DLGAP2: variants seen among roughly 807,000 people sequenced by gnomAD.
DLGAP2 encodes DLG associated protein 2.
Under a neutral mutation model 100.3 loss-of-function variants are expected in DLGAP2, and 26 were observed. The observed-to-expected ratio is 0.26, with a 90% CI of 0.19 to 0.36. DLGAP2 has a LOEUF of 0.36. Among genes scored for constraint, DLGAP2 ranks in the 10% least tolerant of loss-of-function variants. DLGAP2 has a pLI of 1.00. For missense variants in DLGAP2, 1,858 were observed against 1,453.2 expected, an observed-to-expected ratio of 1.28 and a Z score of -4.53; for synonymous variants, 886 against 630.1, an observed-to-expected ratio of 1.41 and a Z score of -6.08.
chr8:1,240,438 GTCACATGGCGCCATGTCTAGTTCTC>G (rs1798762112), intron 2 of DLGAP2, among the ~76,000 whole-genome samples: 2 of 93,962 alleles, frequency 2.1e-5, no homozygotes, highest in African/African-American at 8.5e-5. Context: ...GTCTAGTTCT[GTCACATGGCGCCATGTCTAGTTCTC>G]TCACATGGCA....
chr8:1,311,588 G>A (rs567600165), intron 3 of DLGAP2, among the ~76,000 whole-genome samples: 1 of 152,070 alleles, frequency 6.6e-6, no homozygotes, highest in East Asian at 1.9e-4. Flanking sequence ...GTCATCAGGT[G>A]GGATTTATTC....
At chr8:993,924 C>G (rs1248467181) in intron 2 of DLGAP2, among the ~76,000 whole-genome samples, 2 of 151,626 alleles carry the variant, frequency 1.3e-5, no homozygotes, top group Non-Finnish European at 2.9e-5. Flanking sequence ...ATAGCAGATC[C>G]CGGCTGGTAA....
At chr8:1,431,855 ACCCTGCCGGCACC>A (rs1460711621) in intron 3 of DLGAP2, among the ~76,000 whole-genome samples, 4 of 151,454 alleles carry the variant, frequency 2.6e-5, no homozygotes, top group African/African-American at 4.9e-5. Flanking sequence ...AGCCCTGAGA[ACCCTGCCGGCACC>A]CAGCACCCCA....
chr8:968,939 A>G (rs1483930269), intron 2 of DLGAP2, among the ~76,000 whole-genome samples: 1 of 152,166 alleles, frequency 6.6e-6, no homozygotes, highest in African/African-American at 2.4e-5. Context: ...AAGTTGTTTC[A>G]CCTAAAGTCA....
intron 8 of DLGAP2, among the ~76,000 whole-genome samples, chr8:1,638,167 C>A (rs182044120): frequency 6.6e-6 from 1 of 152,242 alleles, no homozygotes; most frequent in East Asian, 1.9e-4. Flanking sequence ...GGAGAGGGAT[C>A]TGTGGCTGAG....
rs1339128910 is a variant in DLGAP2 at position 1,573,198 on chromosome 8, A to G, written c.1442+7304A>G. 1.1e-3 allele frequency among the ~76,000 whole-genome samples: 111 copies of G among 104,808 alleles called. 1 individual carries two copies. The highest frequency in any genetic ancestry group is 4.2e-3 in the African/African-American group (106 of 25,446). 68.8% of individuals were successfully genotyped at this position (104,808 alleles called of 152,430 possible). On this transcript the variant is annotated intron_variant, in intron 6 of 14. Transcript: ENST00000637795. ...TGGAGATGAGAGAGGGTGAAGTGTC[A>G]GGGGCATCTGATGAGATGGAGAGGA...
In DLGAP2 at chr8:1,414,184, T is replaced by A. The variant is rs375189204; in HGVS notation, c.107-87182T>A. ...TTGTCTGTTGAGAGAAACTGACTTA[T>A]ATTCGTAAAGATGGAATCTGAGAAA... On this transcript the variant is annotated intron_variant, in intron 3 of 14. Transcript: ENST00000637795. Among the ~76,000 whole-genome samples, 7 of 152,214 alleles carry A rather than the reference T, an allele frequency of 4.6e-5. No homozygotes were observed. In the South Asian group the frequency reaches 1.4e-3, roughly 32 times the overall value.
At position 1,325,667 on chromosome 8, in the gene DLGAP2, C is replaced by T. The variant is rs117560932; in HGVS notation, c.106+66784C>T. 3.9e-5 allele frequency among the ~76,000 whole-genome samples: 6 copies of T among 152,272 alleles called. No individual in the cohort carries two copies. The East Asian group carries it at 5.8e-4, about 15-fold the overall frequency. On this transcript the variant is annotated intron_variant, in intron 3 of 14. Coordinates refer to ENST00000637795, the MANE Select transcript of DLGAP2 (RefSeq NM_001346810.2). ...CGGAGCAGCCTCCAGCAGTGATTGG[C>T]GGGGTTCTCATTATTCCTCTCGCGT...
At chr8:1,615,068 G>C (rs1025066096) in intron 6 of DLGAP2, among the ~76,000 whole-genome samples, 2 of 152,224 alleles carry the variant, frequency 1.3e-5, no homozygotes, top group Non-Finnish European at 2.9e-5. Context: ...TCTGTTACAG[G>C]ATGGAATTTG....
At chr8:1,010,432 G>A (rs1801246963) in intron 2 of DLGAP2, among the ~76,000 whole-genome samples, 1 of 152,144 alleles carries the variant, frequency 6.6e-6, no homozygotes, top group Non-Finnish European at 1.5e-5. Flanking sequence ...GCCCACATAT[G>A]CACACACATA....
chr8:857,106 C>T (rs1049401766), intron 1 of DLGAP2, among the ~76,000 whole-genome samples: 2 of 152,180 alleles, frequency 1.3e-5, no homozygotes, highest in East Asian at 3.8e-4. Flanking sequence ...GGAGGAAAGG[C>T]CATTCAATGG....
chr8:1,305,547 T>C (rs1800470481), intron 3 of DLGAP2, among the ~76,000 whole-genome samples: 1 of 152,220 alleles, frequency 6.6e-6, no homozygotes, highest in South Asian at 2.1e-4. Context: ...AGGGTGCTCA[T>C]CTGTGCTTCA....
intron 6 of DLGAP2, among the ~76,000 whole-genome samples, chr8:1,619,436 C>G (rs1010821233): frequency 6.6e-6 from 1 of 152,158 alleles, no homozygotes; most frequent in African/African-American, 2.4e-5. Context: ...TCAATTAATA[C>G]AATTTAATGG....
At chr8:808,211 A>G (rs1330587622) in intron 1 of DLGAP2, among the ~76,000 whole-genome samples, 13 of 152,174 alleles carry the variant, frequency 8.5e-5, no homozygotes, top group Admixed American at 8.5e-4. Flanking sequence ...GGTTTGGCAC[A>G]TTTGACCTCT....
chr8:1,594,728 C>T lies in DLGAP2; in HGVS notation c.1442+28834C>T, dbSNP rs990182881. Among the ~76,000 whole-genome samples, 5 of 152,222 alleles carry T rather than the reference C, an allele frequency of 3.3e-5. No homozygotes were observed. In the East Asian group the frequency reaches 7.7e-4, roughly 24 times the overall value. ...TGTGAGCCACCGCGCCCGGCCAGGT[C>T]ACACTCTCTTATAATGACTAATAGA... On this transcript the variant is annotated intron_variant, in intron 6 of 14. Transcript: ENST00000637795.
chr8:1,054,004 A>G (rs1802799389), intron 2 of DLGAP2, among the ~76,000 whole-genome samples: 2 of 152,044 alleles, frequency 1.3e-5, no homozygotes, highest in East Asian at 1.9e-4. Context: ...AGTACAACAA[A>G]TGTGTTACAC....
At chr8:1,671,466 G>A (rs982188894) in intron 10 of DLGAP2, among the ~76,000 whole-genome samples, 2 of 152,232 alleles carry the variant, frequency 1.3e-5, no homozygotes, top group African/African-American at 2.4e-5. Flanking sequence ...CACATCTTCT[G>A]TGGAGCTCAC....
chr8:1,237,014 C>T (rs1234948266), intron 2 of DLGAP2, among the ~76,000 whole-genome samples: 1 of 149,862 alleles, frequency 6.7e-6, no homozygotes, highest in East Asian at 2.0e-4. Flanking sequence ...ATGTCTAGTT[C>T]TGTCTCACAC....
intron 2 of DLGAP2, among the ~76,000 whole-genome samples, chr8:1,136,774 G>T (rs1796423140): frequency 6.6e-6 from 1 of 152,226 alleles, no homozygotes; most frequent in South Asian, 2.1e-4. Flanking sequence ...GAGCACACGG[G>T]GCGTGTTGGT....
Sources: gnomAD v4.1 joint callset for allele counts (sites outside exome capture counted in the v4.1 genomes callset) on GRCh38, gnomAD v4.1.1 for gene constraint, MANE v1.5 for transcripts, NCBI Gene and HGNC (gene_info 2026-07-23, HGNC 2026-07-21) for gene names.